VSTM2B: variants seen among roughly 807,000 people sequenced by gnomAD.
VSTM2B encodes the protein V-set and transmembrane domain containing 2B.
A neutral mutation model predicts 24.0 loss-of-function variants in VSTM2B; 24 were observed. The ratio of observed to expected loss-of-function variants is 1.00; its 90% confidence interval spans 0.72 to 1.40. The LOEUF (loss-of-function observed/expected upper bound fraction) is 1.40, where lower values mean the gene tolerates loss of function less well. Among genes scored for constraint, VSTM2B ranks in the 40% most tolerant of loss-of-function variants. The probability of loss-of-function intolerance (pLI) is 0.00; values close to 1 mark genes in which losing one functional copy is unlikely to be tolerated. For synonymous variants in VSTM2B, 226 were observed against 194.4 expected, an observed-to-expected ratio of 1.16 and a Z score of -1.35; for missense variants, 399 against 416.4, an observed-to-expected ratio of 0.96 and a Z score of 0.36.
rs1207865554 is a variant in VSTM2B at position 29,530,186 on chromosome 19, C to G, written c.665C>G (p.Ser222Trp). 1 of 1,490,240 alleles carries G rather than the reference C, an allele frequency of 6.7e-7. No individual in the cohort carries two copies. Among genetic ancestry groups the G allele is most frequent in the Non-Finnish European group, 8.9e-7 (1 of 1,127,410 alleles). The allele number at this position is 1,490,240 out of a possible 1,614,324, so 92.3% of individuals were successfully genotyped here. The change falls in exon 4 of 5, where the codon TCG becomes TGG. Residue 222 changes from serine to tryptophan, a missense_variant. Ser to Trp is a radical substitution (Grantham distance 177). Transcript: ENST00000335523. ...GCAGTCCCCGAGGCCGCGGCAGCCT[C>G]GGCGGCCCACACGCCCACCACCACA... ...DPAVPEAAAA[S>W]AAHTPTTTVA...
In VSTM2B at chr19:29,555,850, T is replaced by C. The variant is rs188896284; in HGVS notation, c.770-7996T>C. On this transcript the variant is annotated intron_variant, in intron 4 of 4. Transcript: ENST00000335523. The stretch of plus-strand genomic sequence containing the variant: ...CTGGATACATATAACCTCCCAAGAC[T>C]GAACCAGGAAGAAGTTGAATCCCTG... 2.6e-5 allele frequency among the ~76,000 whole-genome samples: 4 copies of C among 152,236 alleles called. No homozygotes were observed. The East Asian group carries it at 7.7e-4, about 29-fold the overall frequency.
intron 4 of VSTM2B, among the ~76,000 whole-genome samples, chr19:29,558,506 T>C (rs900313704): frequency 6.6e-6 from 1 of 152,162 alleles, no homozygotes; most frequent in Non-Finnish European, 1.5e-5. Context: ...GTGGTGTGTA[T>C]ACACCATAGA....
chr19:29,546,333 TC>T (rs1970154086), intron 4 of VSTM2B, among the ~76,000 whole-genome samples: 1 of 152,100 alleles, frequency 6.6e-6, no homozygotes, highest in South Asian at 2.1e-4. Flanking sequence ...TGAAAGGGCT[TC>T]CAGCTGGCTA....
chr19:29,540,975 G>A (rs1251558960), intron 4 of VSTM2B, among the ~76,000 whole-genome samples: 1 of 152,152 alleles, frequency 6.6e-6, no homozygotes, highest in Non-Finnish European at 1.5e-5. Context: ...AGAAGGTAGA[G>A]CTTTCCAGGA....
At chr19:29,546,612 C>G (rs1324922074) in intron 4 of VSTM2B, among the ~76,000 whole-genome samples, 1 of 152,220 alleles carries the variant, frequency 6.6e-6, no homozygotes, top group African/African-American at 2.4e-5. Context: ...GCAGGGGCCC[C>G]TCAGGTGAGG....
intron 4 of VSTM2B, among the ~76,000 whole-genome samples, chr19:29,549,039 G>C (rs1416805381): frequency 6.6e-6 from 1 of 152,224 alleles, no homozygotes; most frequent in African/African-American, 2.4e-5. Flanking sequence ...GTGTTCTGTA[G>C]CTTGGTGGAA....
At position 29,527,334 on chromosome 19, in the gene VSTM2B, A is replaced by G; in HGVS notation, c.206A>G (p.Lys69Arg). 2 of 1,549,160 alleles carry G rather than the reference A, an allele frequency of 1.3e-6. No individual in the cohort carries two copies. Among genetic ancestry groups the G allele is most frequent in the East Asian group, 2.5e-5 (1 of 40,792 alleles). Residue 69 changes from lysine to arginine, a missense_variant, in exon 2 of 5, where the codon AAG becomes AGG. Transcript: ENST00000335523. ...CTGGAGATTCAGTGGTGGTACCTCA[A>G]GGAGCCACCCCGGGAGCTGCTGCAC... is the stretch of plus-strand genomic sequence containing the variant. Reference protein sequence around the residue: ...YSLEIQWWYLKEPPRELLHEL... With the variant: ...YSLEIQWWYLREPPRELLHEL...
intron 4 of VSTM2B, among the ~76,000 whole-genome samples, chr19:29,535,477 G>A (rs1969865064): frequency 6.6e-6 from 1 of 152,292 alleles, no homozygotes; most frequent in African/African-American, 2.4e-5. Context: ...CAGAGAGCCG[G>A]CTGGATGTGG....
chr19:29,559,304 CT>C (rs1970478489), intron 4 of VSTM2B, among the ~76,000 whole-genome samples: 1 of 152,194 alleles, frequency 6.6e-6, no homozygotes, highest in Non-Finnish European at 1.5e-5. Flanking sequence ...AGTTCATGTC[CT>C]TTGCAGGGAC....
intron 4 of VSTM2B, among the ~76,000 whole-genome samples, chr19:29,538,877 C>T (rs1209545173): frequency 6.6e-6 from 1 of 152,140 alleles, no homozygotes; most frequent in Non-Finnish European, 1.5e-5. Flanking sequence ...ACCCAGTTAC[C>T]TCCCACCGGG....
intron 4 of VSTM2B, among the ~76,000 whole-genome samples, chr19:29,545,592 G>A (rs1005682128): frequency 2.0e-5 from 3 of 152,176 alleles, no homozygotes; most frequent in South Asian, 2.1e-4. Flanking sequence ...CAGCCTGGGC[G>A]ACAAGAGTGA....
chr19:29,527,021 T>C lies in VSTM2B; in HGVS notation c.83-190T>C, dbSNP rs899248399. ...CCGGAGGGAAGCAGTAGGCAGCCGA[T>C]GGCCGGTCCCTGCCTCGGCCCTGCA... On this transcript the variant is annotated intron_variant, in intron 1 of 4. Transcript: ENST00000335523. The C allele has an allele frequency of 5.4e-6, 3 of 553,690 alleles. No individual in the cohort carries two copies. In the African/African-American group the frequency reaches 5.9e-5, roughly 11 times the overall value. 34.3% of individuals were successfully genotyped at this position (553,690 alleles called of 1,614,324 possible).
chr19:29,539,738 G>A (rs1238130630), intron 4 of VSTM2B, among the ~76,000 whole-genome samples: 1 of 152,260 alleles, frequency 6.6e-6, no homozygotes, highest in Non-Finnish European at 1.5e-5. Context: ...GTGCCACTTG[G>A]CACCGAGGCT....
At chr19:29,533,419 C>A (rs1243872524) in intron 4 of VSTM2B, among the ~76,000 whole-genome samples, 1 of 152,218 alleles carries the variant, frequency 6.6e-6, no homozygotes, top group African/African-American at 2.4e-5. Context: ...TGGCCAGGAA[C>A]TGTGTAGACA....
At chr19:29,536,915 G>A (rs140579971) in intron 4 of VSTM2B, among the ~76,000 whole-genome samples, 2 of 152,302 alleles carry the variant, frequency 1.3e-5, no homozygotes, top group African/African-American at 4.8e-5. Flanking sequence ...TGCTCTGTGT[G>A]GACAGAGCAA....
chr19:29,527,218 C>T lies in VSTM2B; in HGVS notation c.90C>T (p.Phe30=). The T allele has an allele frequency of 6.5e-7, 1 of 1,548,334 alleles. No homozygotes were observed. The highest frequency in any genetic ancestry group is 8.7e-7 in the Non-Finnish European group (1 of 1,145,806). The change falls in exon 2 of 5, where the codon TTC becomes TTT. Residue 30 remains phenylalanine, a synonymous_variant. Coordinates refer to ENST00000335523, the MANE Select transcript of VSTM2B (RefSeq NM_001146339.2). The stretch of plus-strand genomic sequence containing the variant: ...CTCTCTCCCCACCCCCAGCTGCATT[C>T]ACAGAAGTCCCCAAAGATGTGACAG... The part of the protein sequence containing the change: ...ALLLFVADAA[F]TEVPKDVTVR...
chr19:29,548,311 G>A (rs1970196012), intron 4 of VSTM2B, among the ~76,000 whole-genome samples: 1 of 152,096 alleles, frequency 6.6e-6, no homozygotes, highest in Non-Finnish European at 1.5e-5. Flanking sequence ...GCGAGGGACA[G>A]GGCAGGAGGA....
intron 4 of VSTM2B, among the ~76,000 whole-genome samples, chr19:29,537,065 T>A (rs987138670): frequency 6.6e-6 from 1 of 152,014 alleles, no homozygotes; most frequent in African/African-American, 2.4e-5. Flanking sequence ...CAGGCATCTC[T>A]TGTAAACTTG....
chr19:29,537,738 C>CGCACCCACCTACTCTCCT (rs1969925175), intron 4 of VSTM2B, among the ~76,000 whole-genome samples: 1 of 151,500 alleles, frequency 6.6e-6, no homozygotes, highest in Non-Finnish European at 1.5e-5. Flanking sequence ...CCTACTCTCC[C>CGCACCCACCTACTCTCCT]GCACCCACCT....
Sources: gnomAD v4.1 joint callset for allele counts (sites outside exome capture counted in the v4.1 genomes callset) on GRCh38, gnomAD v4.1.1 for gene constraint, MANE v1.5 for transcripts, NCBI Gene and HGNC (gene_info 2026-07-23, HGNC 2026-07-21) for gene names.